The following SLC43A2 variants were observed in gnomAD, a reference collection of about 807,000 sequenced individuals.
SLC43A2 encodes large neutral amino acids transporter small subunit 4.
A neutral mutation model predicts 63.2 loss-of-function variants in SLC43A2; 38 were observed. That is an observed-to-expected ratio of 0.60 (90% CI 0.46 to 0.79). SLC43A2 has a LOEUF of 0.79. SLC43A2 is among the 30% of genes least tolerant of loss of function. The pLI, the probability that SLC43A2 is intolerant of heterozygous loss-of-function variation, is 0.00. For synonymous variants in SLC43A2, 322 were observed against 331.0 expected (o/e 0.97, Z 0.30); for missense variants, 644 against 756.2 (o/e 0.85, Z 1.74).
chr17:1,622,462 G>C (rs537351771), intron 2 of SLC43A2, among the ~76,000 whole-genome samples: 2 of 152,256 alleles, frequency 1.3e-5, no homozygotes, highest in Non-Finnish European at 2.9e-5. Flanking sequence ...CTACTGGGGA[G>C]GCTGAGGCAG....
In SLC43A2 at chr17:1,571,947, C is replaced by T. The variant is rs2075851945; in HGVS notation, c.*3657G>A. 1 of 152,138 alleles carries T rather than the reference C, an allele frequency of 6.6e-6. No homozygotes were observed. The highest frequency in any genetic ancestry group is 2.4e-5 in the African/African-American group (1 of 41,332). The allele number at this position is 152,138 out of a possible 1,614,324, so 9.4% of individuals were successfully genotyped here. A position where few individuals can be genotyped will look rare whatever the true frequency, so the allele number is the denominator to read the frequency against. The stretch of plus-strand genomic sequence containing the variant: ...GACCCAAGCCCCCCTCCTCACTGAT[C>T]AAAACCCCAAGGGCAGGGAGCCCTT... On this transcript the variant is annotated 3_prime_UTR_variant, in exon 14 of 14. Transcript: ENST00000301335. The surrounding 1 kb of genome is among the most constrained non-coding windows in gnomAD (Gnocchi z 5.2).
intron 5 of SLC43A2, among the ~76,000 whole-genome samples, chr17:1,599,764 G>A (rs1182843510): frequency 2.0e-5 from 3 of 151,096 alleles, no homozygotes; most frequent in African/African-American, 7.3e-5. Context: ...AAATTATTTG[G>A]CCAGGCGCGG....
In SLC43A2 at chr17:1,586,063, G is replaced by A. The variant is rs571666886; in HGVS notation, c.1079-12C>T. The A allele has an allele frequency of 2.4e-5, 38 of 1,574,550 alleles. No homozygotes were observed. The African/African-American group carries it at 4.4e-4, about 18-fold the overall frequency. On this transcript the variant is annotated splice_polypyrimidine_tract_variant and intron_variant, in intron 9 of 13. Coordinates refer to ENST00000301335, the MANE Select transcript of SLC43A2 (RefSeq NM_152346.3). ...GGTGTAGAGGCCAACTGTGGAGGAA[G>A]GCGCTGCGTCATGGGGACGCCTGGC...
chr17:1,588,900 C>T (rs1025506652), intron 9 of SLC43A2, among the ~76,000 whole-genome samples: 4 of 152,128 alleles, frequency 2.6e-5, no homozygotes, highest in Non-Finnish European at 2.9e-5. Flanking sequence ...GTCGCGGGGC[C>T]GTACGCGGAG....
intron 12 of SLC43A2, among the ~76,000 whole-genome samples, chr17:1,576,978 C>T (rs1275586931): frequency 3.3e-5 from 5 of 151,996 alleles, no homozygotes; most frequent in Admixed American, 1.3e-4. Context: ...AATTCTCCTG[C>T]CTCAGCCTCC....
chr17:1,602,784 G>T, intron 5 of SLC43A2, among the ~76,000 whole-genome samples: 2 of 139,968 alleles, frequency 1.4e-5, no homozygotes, highest in African/African-American at 2.7e-5. Flanking sequence ...TTGAGATGGA[G>T]TTTCGCTCTT....
chr17:1,581,155 G>A (rs983501590), intron 11 of SLC43A2, among the ~76,000 whole-genome samples: 14 of 151,634 alleles, frequency 9.2e-5, no homozygotes, highest in Non-Finnish European at 1.8e-4. Flanking sequence ...GTGGTGGGGG[G>A]GCAGGGGCTG....
intron 3 of SLC43A2, among the ~76,000 whole-genome samples, chr17:1,615,417 A>G (rs1306591165): frequency 6.6e-6 from 1 of 151,258 alleles, no homozygotes; most frequent in Non-Finnish European, 1.5e-5. Flanking sequence ...GCCCATTTTC[A>G]TTTATATTTT....
chr17:1,594,072 G>T (rs186683850), intron 5 of SLC43A2, among the ~76,000 whole-genome samples: 2 of 152,036 alleles, frequency 1.3e-5, no homozygotes, highest in Non-Finnish European at 2.9e-5. Flanking sequence ...TGATCCGCCC[G>T]CCTCGGCCTC....
chr17:1,629,068 CGA>C (rs2151088066), upstream of SLC43A2, among the ~76,000 whole-genome samples: 1 of 152,228 alleles, frequency 6.6e-6, no homozygotes, highest in East Asian at 1.9e-4. Context: ...GCCTTCAACC[CGA>C]GTCACAGCGC....
chr17:1,594,638 A>AGTGC (rs1905110684), intron 5 of SLC43A2, among the ~76,000 whole-genome samples: 1 of 126,880 alleles, frequency 7.9e-6, no homozygotes, highest in Non-Finnish European at 1.6e-5. Context: ...CCCAGGCTGT[A>AGTGC]CTGCAGTGGC....
chr17:1,576,216 T>G (rs898974237), intron 13 of SLC43A2, among the ~76,000 whole-genome samples: 1 of 151,660 alleles, frequency 6.6e-6, no homozygotes, highest in African/African-American at 2.4e-5. Context: ...CCCGAGTATC[T>G]GGGATTACAG....
rs2075819549 is a variant in SLC43A2, at chr17:1,569,787, G to A, written c.*5817C>T. ...GGCCAAGTCTTACCAAAACGTGAAA[G>A]CCACAAAAGAAAAGTGAACGAGAGA... On this transcript the variant is annotated 3_prime_UTR_variant, in exon 14 of 14. Transcript: ENST00000301335. 6.6e-6 allele frequency: 1 copy of A among 151,838 alleles called. No homozygotes were observed. The highest frequency in any genetic ancestry group is 2.1e-4 in the South Asian group (1 of 4,818). 9.4% of individuals were successfully genotyped at this position (151,838 alleles called of 1,614,324 possible). A position where few individuals can be genotyped will look rare whatever the true frequency, so the allele number is the denominator to read the frequency against.
At chr17:1,598,713 G>A (rs1905572948) in intron 5 of SLC43A2, among the ~76,000 whole-genome samples, 1 of 152,196 alleles carries the variant, frequency 6.6e-6, no homozygotes, top group Non-Finnish European at 1.5e-5. Context: ...GCCCTGGGGT[G>A]ACCATGTGGC....
intron 10 of SLC43A2, among the ~76,000 whole-genome samples, chr17:1,584,295 A>G (rs1299277874): frequency 2.6e-5 from 4 of 152,146 alleles, no homozygotes; most frequent in African/African-American, 9.7e-5. Flanking sequence ...CCAGGTGCTC[A>G]CAGATGTGCA....
chr17:1,581,100 C>T (rs562439168), intron 11 of SLC43A2, among the ~76,000 whole-genome samples: 1 of 152,168 alleles, frequency 6.6e-6, no homozygotes, highest in South Asian at 2.1e-4. Context: ...TGTACACAGC[C>T]CTGCCATCCC....
At chr17:1,615,680 A>G (rs975817085) in intron 3 of SLC43A2, among the ~76,000 whole-genome samples, 13 of 149,266 alleles carry the variant, frequency 8.7e-5, no homozygotes, top group South Asian at 2.1e-4. Flanking sequence ...CGTCTCTACT[A>G]AAAATACAAA....
intron 5 of SLC43A2, among the ~76,000 whole-genome samples, chr17:1,598,482 G>A (rs1010622441): frequency 6.6e-6 from 1 of 151,956 alleles, no homozygotes; most frequent in Non-Finnish European, 1.5e-5. Context: ...GCAAATGGAA[G>A]CCCAGAGCCT....
At chr17:1,616,516 G>T (rs3809799) in intron 3 of SLC43A2, 46 bp downstream of exon 3, 1 of 1,551,618 alleles carries the variant, frequency 6.4e-7, no homozygotes, top group South Asian at 1.2e-5. Context: ...CTCAGCCCAG[G>T]GGGTCCACCT....
Sources: allele counts gnomAD v4.1 joint callset (sites outside exome capture counted in the v4.1 genomes callset), GRCh38; gene constraint gnomAD v4.1.1; non-coding constraint Gnocchi (gnomAD v3.1); transcripts MANE v1.5; gene names NCBI Gene and HGNC (gene_info 2026-07-23, HGNC 2026-07-21).